TMEM230: variants seen among roughly 807,000 people sequenced by gnomAD.
TMEM230 encodes the protein transmembrane protein 230, also known as UPF0414 transmembrane protein C20orf30.
TMEM230 carries 10 observed loss-of-function variants against 15.8 expected under a neutral mutation model. That is an observed-to-expected ratio of 0.63 (90% CI 0.39 to 1.07). The LOEUF (loss-of-function observed/expected upper bound fraction) is 1.07, where lower values mean the gene tolerates loss of function less well. Among genes scored for constraint, TMEM230 ranks in the 50% least tolerant of loss-of-function variants. The pLI, the probability that TMEM230 is intolerant of heterozygous loss-of-function variation, is 0.01. For synonymous variants in TMEM230, 67 were observed against 76.9 expected (o/e 0.87, Z 0.68); for missense variants, 165 against 193.3 (o/e 0.85, Z 0.87).
At position 5,111,607 on chromosome 20, in the gene TMEM230, TAAAAAAAAAAAAAAAAAA is replaced by T. The variant is rs758119588; in HGVS notation, c.69-20_69-3del. 32 of 58,976 alleles carry T rather than the reference TAAAAAAAAAAAAAAAAAA, an allele frequency of 5.4e-4. No homozygotes were observed. The highest frequency in any genetic ancestry group is 4.3e-3 in the South Asian group (4 of 936). 3.7% of individuals were successfully genotyped at this position (58,976 alleles called of 1,614,324 possible). A position where few individuals can be genotyped will look rare whatever the true frequency, so the allele number is the denominator to read the frequency against. On this transcript the variant is annotated splice_region_variant and splice_polypyrimidine_tract_variant and intron_variant, in intron 1 of 4. Coordinates refer to ENST00000342308, the MANE Select transcript of TMEM230 (RefSeq NM_001009923.2). ...CTGGGCGACAGAACTAGACTCCATCTAAAAAAAAAAAAAAAAAAAAAAAAAAAAAAAAAAAAAAAATTC... is the reference window on the plus strand; with the variant it reads ...CTGGGCGACAGAACTAGACTCCATCTAAAAAAAAAAAAAAAAAAAAAATTC...
rs557337259 is a variant in TMEM230 at position 5,072,195 on chromosome 20, C to T, written c.223-2846G>A. On this transcript the variant is annotated intron_variant, in intron 3 of 3. Transcript: ENST00000612323. ...CCGGCTGAGTAGCCAGGACTATAGG[C>T]ATGCACCACCATGCCTGGCTGATTT... is the stretch of plus-strand genomic sequence containing the variant. 1.4e-4 allele frequency among the ~76,000 whole-genome samples: 21 copies of T among 152,268 alleles called. No homozygotes were observed. In the East Asian group the frequency reaches 3.5e-3, roughly 25 times the overall value.
chr20:5,060,944 T>G, the TMEM230 span: 1 of 152,196 alleles, frequency 6.6e-6, no homozygotes, highest in Non-Finnish European at 1.5e-5. Flanking sequence ...ATGTTCTCAC[T>G]AGTAGTATAA....
downstream of TMEM230, among the ~76,000 whole-genome samples, chr20:5,063,277 ATTTTTTTTT>A (rs1165126313): frequency 1.8e-3 from 155 of 86,412 alleles, 1 homozygote; most frequent in African/African-American, 7.6e-3. Flanking sequence ...GCTGCTATGA[ATTTTTTTTT>A]TTTTTTTTTT....
chr20:5,081,660 A>G (rs1349979616), intron 3 of TMEM230, among the ~76,000 whole-genome samples: 1 of 152,164 alleles, frequency 6.6e-6, no homozygotes, highest in Non-Finnish European at 1.5e-5. Flanking sequence ...CTGTATCACC[A>G]GTACCCAAAG....
chr20:5,064,305 A>G (rs981305342), downstream of TMEM230, among the ~76,000 whole-genome samples: 1 of 148,340 alleles, frequency 6.7e-6, no homozygotes, highest in African/African-American at 2.5e-5. Context: ...GGCCGGGTGC[A>G]GTGGCTCACG....
intron 3 of TMEM230, among the ~76,000 whole-genome samples, chr20:5,085,297 C>G (rs1197923778): frequency 6.9e-6 from 1 of 145,844 alleles, no homozygotes; most frequent in Admixed American, 6.8e-5. Flanking sequence ...TTCTTTTTTT[C>G]TTTTTTTTTG....
At chr20:5,086,558 A>C (rs1184735371) in intron 3 of TMEM230, among the ~76,000 whole-genome samples, 2 of 147,462 alleles carry the variant, frequency 1.4e-5, no homozygotes, top group Non-Finnish European at 3.0e-5. Flanking sequence ...AAAAAAAAAA[A>C]GAAGAAAAAG....
At chr20:5,104,643 G>T (rs1412672123) in intron 4 of TMEM230, among the ~76,000 whole-genome samples, 5 of 152,128 alleles carry the variant, frequency 3.3e-5, no homozygotes, top group Admixed American at 6.6e-5. Flanking sequence ...ACAGACAAGT[G>T]AATAAAGAAA....
chr20:5,070,141 A>G (rs2088775502), intron 3 of TMEM230, among the ~76,000 whole-genome samples: 1 of 151,976 alleles, frequency 6.6e-6, no homozygotes, highest in South Asian at 2.1e-4. Context: ...TGCTCTCGAG[A>G]CACTCCTTCT....
At chr20:5,076,500 C>T (rs2089001249) in intron 3 of TMEM230, among the ~76,000 whole-genome samples, 1 of 151,808 alleles carries the variant, frequency 6.6e-6, no homozygotes, top group African/African-American at 2.4e-5. Context: ...GAGAGCGCGC[C>T]ACTGCACTCC....
At chr20:5,083,285 A>ATTT (rs71197748) in intron 3 of TMEM230, among the ~76,000 whole-genome samples, 211 of 119,918 alleles carry the variant, frequency 1.8e-3, no homozygotes, top group African/African-American at 5.1e-3. Context: ...GGTTAGGGAG[A>ATTT]TTTTTTTTTT....
At chr20:5,100,972 T>C in intron 4 of TMEM230, 41 bp from the exon 4 acceptor site, 1 of 1,606,986 alleles carries the variant, frequency 6.2e-7, no homozygotes. Context: ...ACCGTAAGAG[T>C]TACACATTTT....
chr20:5,107,127 C>T (rs2090124823), intron 3 of TMEM230, among the ~76,000 whole-genome samples: 1 of 152,138 alleles, frequency 6.6e-6, no homozygotes, highest in African/African-American at 2.4e-5. Context: ...CATGGTGAAA[C>T]CTCGTCTCTA....
At chr20:5,069,332 T>C in exon 4 of TMEM230, 1 of 1,534,958 alleles carries the variant, frequency 6.5e-7, no homozygotes, top group South Asian at 1.2e-5. Flanking sequence ...TTTGTTCCCG[T>C]GAGGTGGATT....
chr20:5,111,608 A>T lies in TMEM230; in HGVS notation c.69-3T>A, dbSNP rs1034386774. 2.1e-4 allele frequency: 8 copies of T among 38,596 alleles called. No homozygotes were observed. The highest frequency in any genetic ancestry group is 1.6e-3 in the East Asian group (2 of 1,266). The allele number at this position is 38,596 out of a possible 1,614,324, so 2.4% of individuals were successfully genotyped here. On this transcript the variant is annotated splice_region_variant and splice_polypyrimidine_tract_variant and intron_variant, in intron 1 of 4. Transcript: ENST00000342308. Reference sequence around the variant, plus strand: ...TGGGCGACAGAACTAGACTCCATCTAAAAAAAAAAAAAAAAAAAAAAAAAA... The same window carrying T: ...TGGGCGACAGAACTAGACTCCATCTTAAAAAAAAAAAAAAAAAAAAAAAAA...
chr20:5,084,089 G>C (rs1214898208), intron 3 of TMEM230, among the ~76,000 whole-genome samples: 1 of 152,100 alleles, frequency 6.6e-6, no homozygotes, highest in Non-Finnish European at 1.5e-5. Context: ...GCTCCTGCTT[G>C]TAATAAGTGA....
At chr20:5,075,693 C>A (rs1359339976) in intron 3 of TMEM230, among the ~76,000 whole-genome samples, 1 of 151,964 alleles carries the variant, frequency 6.6e-6, no homozygotes, top group Non-Finnish European at 1.5e-5. Flanking sequence ...CCACTTCACT[C>A]CAGCCTGGGC....
At chr20:5,094,704 CAA>C (rs774664710) in intron 3 of TMEM230, among the ~76,000 whole-genome samples, 19 of 61,588 alleles carry the variant, frequency 3.1e-4, no homozygotes, top group Non-Finnish European at 2.9e-4. Context: ...GACTCCATCT[CAA>C]AAAAAAAAAA....
downstream of TMEM230, among the ~76,000 whole-genome samples, chr20:5,064,564 G>A (rs1278297282): frequency 2.0e-5 from 3 of 152,014 alleles, no homozygotes; most frequent in East Asian, 1.9e-4. Flanking sequence ...CAACAAGAGC[G>A]AAACTCCGTC....
Sources: gnomAD v4.1 joint callset for allele counts (sites outside exome capture counted in the v4.1 genomes callset) on GRCh38, gnomAD v4.1.1 for gene constraint, MANE v1.5 for transcripts, NCBI Gene and HGNC (gene_info 2026-07-23, HGNC 2026-07-21) for gene names.